BCL6B: variants seen among roughly 807,000 people sequenced by gnomAD.
BCL6B encodes BCL6B transcription repressor.
In BCL6B, 28 loss-of-function variants were observed where a neutral mutation model predicts 44.6. The observed-to-expected ratio is 0.63, with a 90% CI of 0.47 to 0.86. The LOEUF (loss-of-function observed/expected upper bound fraction) is 0.86. Among genes scored for constraint, BCL6B ranks in the 40% least tolerant of loss-of-function variants. The pLI is 0.00. For synonymous variants in BCL6B, 268 were observed against 263.6 expected, an observed-to-expected ratio of 1.02 and a Z score of -0.16; for missense variants, 626 against 652.3, an observed-to-expected ratio of 0.96 and a Z score of 0.44.
chr17:7,028,183 TGTTA>T lies in BCL6B; in HGVS notation c.*568_*571del, dbSNP rs555325119. On this transcript the variant is annotated 3_prime_UTR_variant, in exon 9 of 9. Coordinates refer to ENST00000293805, the MANE Select transcript of BCL6B (RefSeq NM_181844.4). ...TTGTTCTTTCTCCTGTTTGTTTGCT[TGTTA>T]GTTTGTTTAAAATGGAAAAAGGGGT... The T allele has an allele frequency of 5.3e-5, 52 of 985,828 alleles. No homozygotes were observed. In the South Asian group the frequency reaches 9.4e-4, roughly 18 times the overall value. The allele number at this position is 985,828 out of a possible 1,614,324, so 61.1% of individuals were successfully genotyped here. A position where few individuals can be genotyped will look rare whatever the true frequency, so the allele number is the denominator to read the frequency against.
rs376399344 is a variant in BCL6B at position 7,026,713 on chromosome 17, C to G, written c.1063C>G (p.Pro355Ala). 6.2e-7 allele frequency: 1 copy of G among 1,614,252 alleles called. No homozygotes were observed. The highest frequency in any genetic ancestry group is 1.1e-5 in the South Asian group (1 of 91,088). The stretch of plus-strand genomic sequence containing the variant: ...ATGTTCTCTGCCTCCAGGGGAAAAG[C>G]CTTACCACTGCTCAATCTGCGGAGC... ...SHRTVHTGEKPYHCSICGARF... is the reference protein window; with the variant it reads ...SHRTVHTGEKAYHCSICGARF... The change falls in exon 7 of 9, where the codon CCT (proline) becomes GCT (alanine). Residue 355 changes from proline (P) to alanine (A), a missense_variant. By Grantham distance (27) the Pro-to-Ala change is conservative. Transcript: ENST00000293805.
chr17:7,023,531 G>C lies in BCL6B; in HGVS notation c.-12-129G>C, dbSNP rs191688855. On this transcript the variant is annotated intron_variant, in intron 1 of 8. Coordinates refer to ENST00000293805, the MANE Select transcript of BCL6B (RefSeq NM_181844.4). ...AATGAACAAGAAGAATTAGGAGGGA[G>C]GCTGCGTGTGCCGGGGCTAGGGGCT... is the stretch of plus-strand genomic sequence containing the variant. 1.1e-3 allele frequency: 929 copies of C among 848,352 alleles called. 4 individuals carry two copies. The highest frequency in any genetic ancestry group is 2.7e-3 in the Middle Eastern group (8 of 2,942). The allele number at this position is 848,352 out of a possible 1,614,324, so 52.6% of individuals were successfully genotyped here.
Position 7,024,123 on chromosome 17 carries a change from G to C in BCL6B, c.220G>C (p.Gly74Arg), listed in dbSNP as rs1293338063. ...YSIFRGRAGV[G>R]VDVLSLPGGP... is the part of the protein sequence containing the mutation. ...AATTTTCCGGGGCCGTGCGGGAGTC[G>C]GGGTGGACGTGCTCTCTCTGCCCGG... Residue 74 changes from glycine (G) to arginine (R), a missense_variant, in exon 3 of 9, where the codon GGG becomes CGG. Transcript: ENST00000293805. The surrounding 1 kb of genome is among the most constrained non-coding windows in gnomAD (Gnocchi z 6.6). 2 of 1,613,894 alleles carry C rather than the reference G, an allele frequency of 1.2e-6. No homozygotes were observed. The highest frequency in any genetic ancestry group is 1.7e-6 in the Non-Finnish European group (2 of 1,180,020).
chr17:7,029,198 G>T lies in BCL6B; in HGVS notation c.*1579G>T. The T allele has an allele frequency of 1.0e-6, 1 of 985,958 alleles. No individual in the cohort carries two copies. The highest frequency in any genetic ancestry group is 1.2e-6 in the Non-Finnish European group (1 of 830,318). The allele number at this position is 985,958 out of a possible 1,614,324, so 61.1% of individuals were successfully genotyped here. On this transcript the variant is annotated 3_prime_UTR_variant, in exon 9 of 9. Transcript: ENST00000293805. Reference sequence around the variant, plus strand: ...GTAGGATTAAGAGGTTGGTTGAGGGGTGCAGTTTCTGGTGTAGGCCAGGTA... The same window carrying T: ...GTAGGATTAAGAGGTTGGTTGAGGGTTGCAGTTTCTGGTGTAGGCCAGGTA...
Position 7,026,110 on chromosome 17 carries a change from C to CGAGGTT in BCL6B, c.890-346_890-341dup, listed in dbSNP as rs1002997655. Among the ~76,000 whole-genome samples the CGAGGTT allele has an allele frequency of 2.5e-4, 38 of 152,022 alleles. 1 individual carries two copies. Among genetic ancestry groups the CGAGGTT allele is most frequent in the African/African-American group, 9.2e-4 (38 of 41,402 alleles). ...CTACTTTTTGTATTTTTAGTAGAGA[C>CGAGGTT]GAGGTTTCACCATGTTGGCCAGGAT... On this transcript the variant is annotated intron_variant, in intron 5 of 8. Transcript: ENST00000293805.
chr17:7,028,939 G>T lies in BCL6B; in HGVS notation c.*1320G>T. On this transcript the variant is annotated 3_prime_UTR_variant, in exon 9 of 9. Transcript: ENST00000293805. Reference sequence around the variant, plus strand: ...CCAGAACCTTCTTTTCCTCTAGAAGGGATGGTGCTTGGTAACCTTACCTTT... The same window carrying T: ...CCAGAACCTTCTTTTCCTCTAGAAGTGATGGTGCTTGGTAACCTTACCTTT... 2.0e-6 allele frequency: 2 copies of T among 985,424 alleles called. No individual in the cohort carries two copies. Among genetic ancestry groups the T allele is most frequent in the Non-Finnish European group, 2.4e-6 (2 of 829,946 alleles). 61.0% of individuals were successfully genotyped at this position (985,424 alleles called of 1,614,324 possible). A position where few individuals can be genotyped will look rare whatever the true frequency, so the allele number is the denominator to read the frequency against.
In BCL6B at chr17:7,024,960, TCAA is replaced by T; in HGVS notation, c.765-112_765-110del. 6.6e-7 allele frequency: 1 copy of T among 1,509,748 alleles called. No homozygotes were observed. The highest frequency in any genetic ancestry group is 8.9e-7 in the Non-Finnish European group (1 of 1,125,832). 93.5% of individuals were successfully genotyped at this position (1,509,748 alleles called of 1,614,324 possible). On this transcript the variant is annotated intron_variant, in intron 4 of 8. Coordinates refer to ENST00000293805, the MANE Select transcript of BCL6B (RefSeq NM_181844.4). This position sits in a 1 kb window ranked among gnomAD's most constrained non-coding sequence, Gnocchi z 6.6. The stretch of plus-strand genomic sequence containing the variant: ...CAGTACAATGGATGTGGCTCATTGG[TCAA>T]CAATATTGGCTCACCCTGAGAGGGC...
At position 7,025,191 on chromosome 17, in the gene BCL6B, C is replaced by A; in HGVS notation, c.880C>A (p.Pro294Thr). 6.2e-7 allele frequency: 1 copy of A among 1,614,130 alleles called. No homozygotes were observed. Among genetic ancestry groups the A allele is most frequent in the Non-Finnish European group, 8.5e-7 (1 of 1,180,004 alleles). The part of the protein sequence containing the change: ...TSGSPSERAR[P>T]LPGSEFFSCQ... ...TGGATCACCCTCTGAACGGGCTCGTCCACTACCGGGTAAGAGCCCCTCTTT... is the reference window on the plus strand; with the variant it reads ...TGGATCACCCTCTGAACGGGCTCGTACACTACCGGGTAAGAGCCCCTCTTT... The change falls in exon 5 of 9, where the codon CCA becomes ACA. Residue 294 changes from proline to threonine, a missense_variant. Transcript: ENST00000293805.
rs770521268 is a variant in BCL6B, at chr17:7,024,568, A to G, written c.569A>G (p.Lys190Arg). Reference protein sequence around the residue: ...GPPSPASPDPKACNWKKYKYI... With the variant: ...GPPSPASPDPRACNWKKYKYI... ...CCCAGTCCAGCCAGCCCTGACCCCA[A>G]GGCCTGCAACTGGAAAAAGTACAAG... is the stretch of plus-strand genomic sequence containing the variant. The change falls in exon 4 of 9, where the codon AAG (lysine) becomes AGG (arginine). Residue 190 changes from lysine (K) to arginine (R), a missense_variant. By Grantham distance (26) the Lys-to-Arg change is conservative. Coordinates refer to ENST00000293805, the MANE Select transcript of BCL6B (RefSeq NM_181844.4). The surrounding 1 kb of genome is among the most constrained non-coding windows in gnomAD (Gnocchi z 6.6). 6.2e-7 allele frequency: 1 copy of G among 1,614,088 alleles called. No homozygotes were observed. Among genetic ancestry groups the G allele is most frequent in the South Asian group, 1.1e-5 (1 of 91,076 alleles).
rs1910229567 is a variant in BCL6B, at chr17:7,024,549, C to T, written c.550C>T (p.Pro184Ser). 1.2e-6 allele frequency: 2 copies of T among 1,614,028 alleles called. No individual in the cohort carries two copies. Among genetic ancestry groups the T allele is most frequent in the Non-Finnish European group, 1.7e-6 (2 of 1,180,002 alleles). ...SRSCSQGPPS[P>S]ASPDPKACNW... ...AAGCTGCAGTCAAGGCCCCCCCAGT[C>T]CAGCCAGCCCTGACCCCAAGGCCTG... The change falls in exon 4 of 9, where the codon CCA becomes TCA. Residue 184 changes from proline (P) to serine (S), a missense_variant. By Grantham distance (74) the Pro-to-Ser change is moderately conservative. Transcript: ENST00000293805. The surrounding 1 kb of genome is among the most constrained non-coding windows in gnomAD (Gnocchi z 6.6).
rs945678457 is a variant in BCL6B at position 7,029,136 on chromosome 17, A to T, written c.*1517A>T. ...ACAGATGTAAAAGATTGACTAGCCCATAGGCCAAAGGCCTGTTCTAGTTGA... is the reference window on the plus strand; with the variant it reads ...ACAGATGTAAAAGATTGACTAGCCCTTAGGCCAAAGGCCTGTTCTAGTTGA... On this transcript the variant is annotated 3_prime_UTR_variant, in exon 9 of 9. Transcript: ENST00000293805. The T allele has an allele frequency of 6.1e-6, 6 of 985,458 alleles. No individual in the cohort carries two copies. The African/African-American group carries it at 7.0e-5, about 11-fold the overall frequency. 61.0% of individuals were successfully genotyped at this position (985,458 alleles called of 1,614,324 possible).
At position 7,027,927 on chromosome 17, in the gene BCL6B, C is replaced by T; in HGVS notation, c.*308C>T. The T allele has an allele frequency of 8.5e-7, 1 of 1,174,782 alleles. No homozygotes were observed. Among genetic ancestry groups the T allele is most frequent in the Non-Finnish European group, 1.1e-6 (1 of 947,008 alleles). 72.8% of individuals were successfully genotyped at this position (1,174,782 alleles called of 1,614,324 possible). On this transcript the variant is annotated 3_prime_UTR_variant, in exon 9 of 9. Transcript: ENST00000293805. ...TAAGGGAATAGCCCTCCACCTGTGG[C>T]CCCCATTGCATTCAGTTTATCTGTA...
intron 5 of BCL6B, among the ~76,000 whole-genome samples, chr17:7,025,591 G>A (rs1183687867): frequency 6.6e-6 from 1 of 152,138 alleles, no homozygotes; most frequent in African/African-American, 2.4e-5. Flanking sequence ...CCAGCACTTT[G>A]GGAGGCCAGT....
rs912073963 is a variant in BCL6B at position 7,024,345 on chromosome 17, TA to T, written c.401+43del. 6.2e-7 allele frequency: 1 copy of T among 1,613,392 alleles called. No individual in the cohort carries two copies. Among genetic ancestry groups the T allele is most frequent in the African/African-American group, 1.3e-5 (1 of 74,846 alleles). On this transcript the variant is annotated intron_variant, in intron 3 of 8. Coordinates refer to ENST00000293805, the MANE Select transcript of BCL6B (RefSeq NM_181844.4). The surrounding 1 kb of genome is among the most constrained non-coding windows in gnomAD (Gnocchi z 6.6). ...TCGGCGTTCTCTGTGGGTGAGGTGT[TA>T]AGGGCAAAGGCAGAGTTTAGGAAAT...
In BCL6B at chr17:7,024,687, G is replaced by A. The variant is rs1192262923; in HGVS notation, c.688G>A (p.Gly230Arg). ...TTGCCCCCAAGCCAGGCTCCCCAGT[G>A]GAGACGAGGCCTCCAGCAGCAGCAG... is the stretch of plus-strand genomic sequence containing the variant. Reference protein sequence around the residue: ...QPCPQARLPSGDEASSSSSSS... With the variant: ...QPCPQARLPSRDEASSSSSSS... The change falls in exon 4 of 9, where the codon GGA (glycine) becomes AGA (arginine). Residue 230 changes from glycine (G) to arginine (R), a missense_variant. Coordinates refer to ENST00000293805, the MANE Select transcript of BCL6B (RefSeq NM_181844.4). This position sits in a 1 kb window ranked among gnomAD's most constrained non-coding sequence, Gnocchi z 6.6. 1 of 1,601,978 alleles carries A rather than the reference G, an allele frequency of 6.2e-7. No homozygotes were observed. Among genetic ancestry groups the A allele is most frequent in the African/African-American group, 1.4e-5 (1 of 71,772 alleles).
rs765105319 is a variant in BCL6B at position 7,026,457 on chromosome 17, G to A, written c.890G>A (p.Gly297Glu). 7 of 1,613,826 alleles carry A rather than the reference G, an allele frequency of 4.3e-6. No individual in the cohort carries two copies. The South Asian group carries it at 7.7e-5, about 18-fold the overall frequency. ...TGCCGTCACCCATTCCCCTTCCCAG[G>A]AAGTGAATTTTTCAGCTGCCAGAAC... ...SPSERARPLP[G>E]SEFFSCQNCE... Residue 297 changes from glycine (G) to glutamate (E), a missense_variant and splice_region_variant, in exon 6 of 9, where the codon GGA becomes GAA. Gly to Glu is a moderately conservative substitution (Grantham distance 98). Coordinates refer to ENST00000293805, the MANE Select transcript of BCL6B (RefSeq NM_181844.4).
In BCL6B at chr17:7,028,975, G is replaced by A. The variant is rs921360326; in HGVS notation, c.*1356G>A. Reference sequence around the variant, plus strand: ...GGTAACCTTACCTTTTAAAAGCTGGGTCTGTGACCTGGTCTTCCCATCCCT... The same window carrying A: ...GGTAACCTTACCTTTTAAAAGCTGGATCTGTGACCTGGTCTTCCCATCCCT... On this transcript the variant is annotated 3_prime_UTR_variant, in exon 9 of 9. Transcript: ENST00000293805. The A allele has an allele frequency of 2.0e-6, 2 of 985,308 alleles. No homozygotes were observed. Among genetic ancestry groups the A allele is most frequent in the African/African-American group, 3.5e-5 (2 of 57,206 alleles). 61.0% of individuals were successfully genotyped at this position (985,308 alleles called of 1,614,324 possible). A position where few individuals can be genotyped will look rare whatever the true frequency, so the allele number is the denominator to read the frequency against.
Position 7,028,752 on chromosome 17 carries a change from A to G in BCL6B, c.*1133A>G, listed in dbSNP as rs1382661124. The stretch of plus-strand genomic sequence containing the variant: ...CTCTATGAATGTTATGGCCTAGGGA[A>G]GAATCATGAAACTCTTTAGCTTGAT... On this transcript the variant is annotated 3_prime_UTR_variant, in exon 9 of 9. Transcript: ENST00000293805. 4.1e-6 allele frequency: 4 copies of G among 985,364 alleles called. No individual in the cohort carries two copies. The highest frequency in any genetic ancestry group is 4.8e-6 in the Non-Finnish European group (4 of 829,956). 61.0% of individuals were successfully genotyped at this position (985,364 alleles called of 1,614,324 possible). A position where few individuals can be genotyped will look rare whatever the true frequency, so the allele number is the denominator to read the frequency against.
In BCL6B at chr17:7,024,959, G is replaced by T; in HGVS notation, c.765-117G>T. The T allele has an allele frequency of 6.6e-7, 1 of 1,509,742 alleles. No homozygotes were observed. Among genetic ancestry groups the T allele is most frequent in the South Asian group, 1.3e-5 (1 of 77,276 alleles). The allele number at this position is 1,509,742 out of a possible 1,614,324, so 93.5% of individuals were successfully genotyped here. On this transcript the variant is annotated intron_variant, in intron 4 of 8. Transcript: ENST00000293805. This position sits in a 1 kb window ranked among gnomAD's most constrained non-coding sequence, Gnocchi z 6.6. Reference sequence around the variant, plus strand: ...GCAGTACAATGGATGTGGCTCATTGGTCAACAATATTGGCTCACCCTGAGA... The same window carrying T: ...GCAGTACAATGGATGTGGCTCATTGTTCAACAATATTGGCTCACCCTGAGA...
Sources: allele counts gnomAD v4.1 joint callset (sites outside exome capture counted in the v4.1 genomes callset), GRCh38; gene constraint gnomAD v4.1.1; non-coding constraint Gnocchi (gnomAD v3.1); transcripts MANE v1.5; gene names NCBI Gene and HGNC (gene_info 2026-07-23, HGNC 2026-07-21).